The following GREM2 variants were observed in gnomAD, a reference collection of about 807,000 sequenced individuals.
The protein encoded by GREM2 is gremlin 2, DAN family BMP antagonist.
GREM2 carries 11 observed loss-of-function variants against 14.2 expected under a neutral mutation model. The observed-to-expected ratio is 0.78, with a 90% CI of 0.49 to 1.28. The LOEUF (loss-of-function observed/expected upper bound fraction) is 1.28. Among genes scored for constraint, GREM2 ranks in the 50% most tolerant of loss-of-function variants. GREM2 has a pLI of 0.00. For missense variants in GREM2, 210 were observed against 218.5 expected, an observed-to-expected ratio of 0.96 and a Z score of 0.24; for synonymous variants, 98 against 97.6, an observed-to-expected ratio of 1.00 and a Z score of -0.02.
At chr1:240,601,727 C>T (rs570847863) in intron 1 of GREM2, among the ~76,000 whole-genome samples, 4 of 151,962 alleles carry the variant, frequency 2.6e-5, no homozygotes, top group South Asian at 2.1e-4. Context: ...GCCAACATGG[C>T]GAAACCCCGT....
chr1:240,573,668 C>A (rs1651043171), intron 1 of GREM2, among the ~76,000 whole-genome samples: 1 of 152,134 alleles, frequency 6.6e-6, no homozygotes, highest in Admixed American at 6.6e-5. Context: ...GTCACACAAC[C>A]AATAAGTGGT....
chr1:240,601,751 A>G (rs1446372755), intron 1 of GREM2, among the ~76,000 whole-genome samples: 1 of 152,044 alleles, frequency 6.6e-6, no homozygotes, highest in African/African-American at 2.4e-5. Context: ...TGCTAAAAAT[A>G]CAAAAATTAG....
chr1:240,554,121 G>A (rs933434345), intron 1 of GREM2, among the ~76,000 whole-genome samples: 9 of 151,958 alleles, frequency 5.9e-5, no homozygotes, highest in African/African-American at 2.2e-4. Context: ...GTAAAGACGA[G>A]GTCTCTAGGC....
At chr1:240,550,173 C>T (rs1395225820) in intron 1 of GREM2, 2 of 152,158 alleles carry the variant, frequency 1.3e-5, no homozygotes, top group Non-Finnish European at 2.9e-5. Flanking sequence ...CAAGCATGGG[C>T]CACCATGCCC....
At chr1:240,600,651 G>A (rs758171795) in intron 1 of GREM2, among the ~76,000 whole-genome samples, 6 of 151,850 alleles carry the variant, frequency 4.0e-5, no homozygotes, top group Admixed American at 2.0e-4. Flanking sequence ...ACACGGCTAA[G>A]ATTTGTATTT....
At chr1:240,532,874 G>T (rs563632450) in intron 1 of GREM2, among the ~76,000 whole-genome samples, 2 of 152,324 alleles carry the variant, frequency 1.3e-5, no homozygotes, top group South Asian at 4.1e-4. Context: ...ACTGGCTATA[G>T]CATTCTGCTT....
chr1:240,554,329 T>A (rs930723296), intron 1 of GREM2, among the ~76,000 whole-genome samples: 11 of 151,130 alleles, frequency 7.3e-5, no homozygotes, highest in African/African-American at 2.7e-4. Context: ...GAGAATAGCT[T>A]GAACCTGGGA....
At chr1:240,573,715 T>G (rs1679303933) in intron 1 of GREM2, among the ~76,000 whole-genome samples, 1 of 152,102 alleles carries the variant, frequency 6.6e-6, no homozygotes, top group Non-Finnish European at 1.5e-5. Flanking sequence ...CAGGAGGCCT[T>G]CCTTTGAGGA....
At position 240,582,305 on chromosome 1, in the gene GREM2, C is replaced by T. The variant is rs184458268; in HGVS notation, c.-2+29579G>A. Among the ~76,000 whole-genome samples the T allele has an allele frequency of 2.1e-4, 32 of 152,200 alleles. 1 individual carries two copies. Among genetic ancestry groups the T allele is most frequent in the Admixed American group, 1.8e-3 (27 of 15,280 alleles). ...ACAACAATTAGCTGAGGTGGTGGCA[C>T]ATGCCTGTAAACCCAACTATTCGGG... is the stretch of plus-strand genomic sequence containing the variant. On this transcript the variant is annotated intron_variant, in intron 1 of 1. Transcript: ENST00000318160.
intron 1 of GREM2, among the ~76,000 whole-genome samples, chr1:240,512,347 A>G (rs1429275088): frequency 6.6e-6 from 1 of 152,238 alleles, no homozygotes; most frequent in Non-Finnish European, 1.5e-5. Context: ...CAATATTAAT[A>G]GAAAATATAC....
At chr1:240,528,257 T>C (rs184330016) in intron 1 of GREM2, among the ~76,000 whole-genome samples, 1 of 152,318 alleles carries the variant, frequency 6.6e-6, no homozygotes, top group East Asian at 1.9e-4. Flanking sequence ...AATAATGAAA[T>C]TTCTTATGGG....
rs1472047968 is a variant in GREM2 at position 240,540,188 on chromosome 1, A to T, written c.-1-46712T>A. ...CCCAGAACTATCATTCTGTACACACACCAAACCACAGGAGCCTGAGTGAGG... is the reference window on the plus strand; with the variant it reads ...CCCAGAACTATCATTCTGTACACACTCCAAACCACAGGAGCCTGAGTGAGG... On this transcript the variant is annotated intron_variant, in intron 1 of 1. Transcript: ENST00000318160. This position sits in a 1 kb window ranked among gnomAD's most constrained non-coding sequence, Gnocchi z 4.2. Among the ~76,000 whole-genome samples the T allele has an allele frequency of 6.6e-6, 1 of 152,074 alleles. No individual in the cohort carries two copies. The highest frequency in any genetic ancestry group is 1.5e-5 in the Non-Finnish European group (1 of 68,006).
intron 1 of GREM2, among the ~76,000 whole-genome samples, chr1:240,528,518 A>C (rs1182187871): frequency 6.6e-6 from 1 of 152,208 alleles, no homozygotes; most frequent in Admixed American, 6.5e-5. Flanking sequence ...GTTGAAAAAA[A>C]TGTATATGTA....
intron 1 of GREM2, chr1:240,531,672 C>T: frequency 1.0e-6 from 1 of 984,722 alleles, no homozygotes; most frequent in Non-Finnish European, 1.2e-6. Flanking sequence ...GTGGACTCAG[C>T]TCTGAGTGCT....
At chr1:240,602,644 G>A (rs1337512846) in intron 1 of GREM2, among the ~76,000 whole-genome samples, 3 of 138,860 alleles carry the variant, frequency 2.2e-5, no homozygotes, top group Admixed American at 7.2e-5. Context: ...TGGTGAAACC[G>A]CGTCTCTAAT....
chr1:240,611,545 AGTC>A (rs572816536), intron 1 of GREM2, among the ~76,000 whole-genome samples: 140 of 152,304 alleles, frequency 9.2e-4, no homozygotes, highest in African/African-American at 3.2e-3. Flanking sequence ...GCCTCGCTAT[AGTC>A]ATGATTAGAA....
At chr1:240,601,658 G>C (rs1159315652) in intron 1 of GREM2, among the ~76,000 whole-genome samples, 1 of 152,160 alleles carries the variant, frequency 6.6e-6, no homozygotes, top group African/African-American at 2.4e-5. Context: ...TGTAATCCCA[G>C]CACTTTGAGA....
At chr1:240,581,573 A>G (rs1679485894) in intron 1 of GREM2, among the ~76,000 whole-genome samples, 1 of 152,172 alleles carries the variant, frequency 6.6e-6, no homozygotes, top group Admixed American at 6.6e-5. Context: ...TTTTAGTTAA[A>G]TTAATTTATA....
chr1:240,505,009 A>G (rs565110955), intron 1 of GREM2, among the ~76,000 whole-genome samples: 2 of 152,160 alleles, frequency 1.3e-5, no homozygotes, highest in East Asian at 1.9e-4. Flanking sequence ...GTGGAAGGTG[A>G]TTGGATCATG....
Sources: allele counts gnomAD v4.1 joint callset (sites outside exome capture counted in the v4.1 genomes callset), GRCh38; gene constraint gnomAD v4.1.1; non-coding constraint Gnocchi (gnomAD v3.1); transcripts MANE v1.5; gene names NCBI Gene and HGNC (gene_info 2026-07-23, HGNC 2026-07-21).